MIX23: variants seen among roughly 807,000 people sequenced by gnomAD.
MIX23 encodes protein MIX23.
In MIX23, 13 loss-of-function variants were observed where a neutral mutation model predicts 21.6. The observed-to-expected ratio is 0.60, with a 90% CI of 0.39 to 0.96. The LOEUF (loss-of-function observed/expected upper bound fraction) is 0.96. Among genes scored for constraint, MIX23 ranks in the 40% least tolerant of loss-of-function variants. The pLI is 0.00. For missense variants in MIX23, 144 were observed against 171.2 expected (o/e 0.84, Z 0.89); for synonymous variants, 59 against 58.0 (o/e 1.02, Z -0.08).
intron 3 of MIX23, 171 bp downstream of exon 3, chr3:122,368,005 A>G: frequency 1.6e-6 from 1 of 610,654 alleles, no homozygotes; most frequent in Non-Finnish European, 2.9e-6. Context: ...TTTACCAATT[A>G]ATAACTAAAC....
Position 122,368,113 on chromosome 3 carries a change from C to A in MIX23, c.324+63G>T. 2.0e-6 allele frequency: 3 copies of A among 1,518,444 alleles called. No individual in the cohort carries two copies. In the Admixed American group the frequency reaches 5.5e-5, roughly 28 times the overall value. 94.1% of individuals were successfully genotyped at this position (1,518,444 alleles called of 1,614,324 possible). On this transcript the variant is annotated intron_variant, in intron 3 of 4. Coordinates refer to ENST00000291458, the MANE Select transcript of MIX23 (RefSeq NM_001017928.4). ...ATGCCAAAATTTTCATATTAAAAAT[C>A]TTACTTTGAAGGCTACAATTGGAAA...
At chr3:122,380,628 T>C (rs2075523715) in intron 1 of MIX23, among the ~76,000 whole-genome samples, 1 of 152,072 alleles carries the variant, frequency 6.6e-6, no homozygotes, top group Non-Finnish European at 1.5e-5. Context: ...ATAAGAGACA[T>C]GACAAGAGGC....
intron 4 of MIX23, among the ~76,000 whole-genome samples, chr3:122,362,751 A>G (rs1454544123): frequency 6.6e-5 from 10 of 151,994 alleles, no homozygotes; most frequent in Non-Finnish European, 1.3e-4. Flanking sequence ...TGTAAAGCTA[A>G]TCGTTATAAA....
At chr3:122,364,673 C>T (rs2075383456) in intron 3 of MIX23, among the ~76,000 whole-genome samples, 1 of 152,128 alleles carries the variant, frequency 6.6e-6, no homozygotes, top group South Asian at 2.1e-4. Flanking sequence ...TGTCACAACA[C>T]CCTGCCCTTA....
intron 1 of MIX23, among the ~76,000 whole-genome samples, chr3:122,377,184 A>C (rs1576239300): frequency 6.6e-6 from 1 of 152,204 alleles, no homozygotes; most frequent in Non-Finnish European, 1.5e-5. Context: ...CCATCTCCGA[A>C]AAGAAACCTG....
intron 1 of MIX23, among the ~76,000 whole-genome samples, chr3:122,377,851 T>A (rs2075500234): frequency 6.6e-6 from 1 of 152,142 alleles, no homozygotes. Flanking sequence ...AAATTTTAAA[T>A]GAATAAATGA....
intron 1 of MIX23, among the ~76,000 whole-genome samples, chr3:122,380,584 G>A (rs1319138405): frequency 2.0e-5 from 3 of 152,106 alleles, no homozygotes; most frequent in African/African-American, 7.2e-5. Flanking sequence ...GCTGGGGGGT[G>A]GGTATGATGA....
intron 1 of MIX23, among the ~76,000 whole-genome samples, chr3:122,381,901 C>A (rs761911205): frequency 6.6e-6 from 1 of 152,026 alleles, no homozygotes; most frequent in Admixed American, 6.6e-5. Context: ...CTTTTTCCCC[C>A]CTTAAATCAA....
At chr3:122,377,303 G>A (rs2075495464) in intron 1 of MIX23, among the ~76,000 whole-genome samples, 1 of 152,192 alleles carries the variant, frequency 6.6e-6, no homozygotes. Flanking sequence ...AGATATCTGA[G>A]TAGAAGAGTG....
intron 4 of MIX23, among the ~76,000 whole-genome samples, chr3:122,360,456 T>TAC (rs1284681282): frequency 6.6e-6 from 1 of 151,824 alleles, no homozygotes; most frequent in South Asian, 2.1e-4. Context: ...GGTAGAAAAA[T>TAC]ACACACACAC....
Position 122,368,324 on chromosome 3 carries a change from T to G in MIX23, c.178-2A>C. ...TCTACTGGCATGAGCTGCCATCAACTAAAAGAACAAAGGAATGAAAGGAGA... is the reference window on the plus strand; with the variant it reads ...TCTACTGGCATGAGCTGCCATCAACGAAAAGAACAAAGGAATGAAAGGAGA... On this transcript the variant is annotated splice_acceptor_variant, in intron 2 of 4. Transcript: ENST00000291458. LOFTEE classifies it high-confidence loss of function. 6.4e-7 allele frequency: 1 copy of G among 1,574,686 alleles called. No individual in the cohort carries two copies. The highest frequency in any genetic ancestry group is 8.5e-7 in the Non-Finnish European group (1 of 1,170,068).
At chr3:122,380,288 C>T (rs1459729625) in intron 1 of MIX23, among the ~76,000 whole-genome samples, 1 of 152,130 alleles carries the variant, frequency 6.6e-6, no homozygotes, top group Non-Finnish European at 1.5e-5. Context: ...TTACATGATG[C>T]TCTTTTCAGA....
chr3:122,367,179 G>A (rs752606674), intron 3 of MIX23, among the ~76,000 whole-genome samples: 17 of 151,874 alleles, frequency 1.1e-4, no homozygotes, highest in Non-Finnish European at 2.4e-4. Flanking sequence ...AAGGAGAGAG[G>A]GAGGGTGAAG....
At chr3:122,368,650 C>G (rs914711375) in intron 2 of MIX23, among the ~76,000 whole-genome samples, 2 of 152,168 alleles carry the variant, frequency 1.3e-5, no homozygotes, top group Admixed American at 1.3e-4. Context: ...ACTGACTTTC[C>G]CCATGATTCC....
intron 1 of MIX23, chr3:122,372,931 T>C (rs1203936947): frequency 8.2e-6 from 3 of 367,458 alleles, no homozygotes; most frequent in Non-Finnish European, 1.6e-5. Flanking sequence ...TTAATATGTA[T>C]TAAAAGCAAC....
intron 1 of MIX23, chr3:122,372,885 A>G: frequency 3.1e-6 from 1 of 320,014 alleles, no homozygotes; most frequent in Non-Finnish European, 6.1e-6. Flanking sequence ...CTAGGAATAT[A>G]CTTATTATTG....
intron 4 of MIX23, among the ~76,000 whole-genome samples, chr3:122,362,039 A>AG (rs1263249254): frequency 1.3e-5 from 2 of 152,194 alleles, no homozygotes; most frequent in Non-Finnish European, 2.9e-5. Context: ...AGTTTTAGAG[A>AG]GGGGTAAATG....
chr3:122,369,444 C>T (rs1346844496), intron 2 of MIX23, among the ~76,000 whole-genome samples: 1 of 152,182 alleles, frequency 6.6e-6, no homozygotes, highest in Non-Finnish European at 1.5e-5. Context: ...TTGGATATTT[C>T]ATAGAGTTCT....
intron 3 of MIX23, among the ~76,000 whole-genome samples, chr3:122,363,453 T>C (rs956939304): frequency 6.6e-6 from 1 of 151,848 alleles, no homozygotes; most frequent in Non-Finnish European, 1.5e-5. Flanking sequence ...TCATATATTC[T>C]TAGTAAGAGT....
Sources: allele counts gnomAD v4.1 joint callset (sites outside exome capture counted in the v4.1 genomes callset), GRCh38; gene constraint gnomAD v4.1.1; transcripts MANE v1.5; gene names NCBI Gene and HGNC (gene_info 2026-07-23, HGNC 2026-07-21).